The following FMN1 variants were observed in gnomAD, a reference collection of about 807,000 sequenced individuals.
FMN1 encodes the protein formin-1.
Under a neutral mutation model 132.4 loss-of-function variants are expected in FMN1, and 110 were observed. The ratio of observed to expected loss-of-function variants is 0.83; its 90% CI spans 0.71 to 0.97. The LOEUF (loss-of-function observed/expected upper bound fraction) is 0.97. Ranked by LOEUF, FMN1 falls within the 50% of genes least tolerant of loss-of-function variation. FMN1 has a pLI of 0.00. For missense variants in FMN1, 1,792 were observed against 1,705.3 expected, an observed-to-expected ratio of 1.05 and a Z score of -0.90; for synonymous variants, 722 against 651.7, an observed-to-expected ratio of 1.11 and a Z score of -1.64.
chr15:33,128,233 A>G (rs2045188), intron 4 of FMN1, among the ~76,000 whole-genome samples: 118,747 of 151,912 alleles, frequency 0.78, 46,580 homozygotes, highest in East Asian at 0.88. Flanking sequence ...GCAACCAAAG[A>G]CCATAATTTC....
chr15:33,133,888 C>G (rs1292180814), intron 4 of FMN1, among the ~76,000 whole-genome samples: 1 of 152,102 alleles, frequency 6.6e-6, no homozygotes. Flanking sequence ...GCCATGCCAG[C>G]CATCTATAAA....
chr15:33,127,959 A>G (rs1176313598), intron 4 of FMN1, among the ~76,000 whole-genome samples: 7 of 152,136 alleles, frequency 4.6e-5, no homozygotes, highest in Admixed American at 3.9e-4. Flanking sequence ...AGGAGAAAGG[A>G]AAGAAAGGGG....
chr15:33,000,668 G>A (rs1401991155), intron 7 of FMN1, among the ~76,000 whole-genome samples: 1 of 151,954 alleles, frequency 6.6e-6, no homozygotes, highest in Non-Finnish European at 1.5e-5. Context: ...CTCAGGAAGT[G>A]GATTATACAT....
At chr15:33,086,231 A>G (rs2038686275) in intron 5 of FMN1, among the ~76,000 whole-genome samples, 1 of 151,380 alleles carries the variant, frequency 6.6e-6, no homozygotes, top group Admixed American at 6.6e-5. Context: ...AGCCTGAGCG[A>G]CAGAGCAAGA....
intron 9 of FMN1, among the ~76,000 whole-genome samples, chr15:32,926,548 T>C (rs906253304): frequency 6.6e-6 from 1 of 152,232 alleles, no homozygotes; most frequent in African/African-American, 2.4e-5. Context: ...AGTACAAAGT[T>C]ATACCAGCAT....
intron 6 of FMN1, among the ~76,000 whole-genome samples, chr15:33,033,989 T>C (rs1444854182): frequency 6.6e-6 from 1 of 152,170 alleles, no homozygotes; most frequent in African/African-American, 2.4e-5. Context: ...TCTCAGTCTC[T>C]TTCTGTTGCA....
intron 19 of FMN1, among the ~76,000 whole-genome samples, chr15:32,791,649 G>C (rs1359203479): frequency 6.6e-6 from 1 of 152,154 alleles, no homozygotes; most frequent in African/African-American, 2.4e-5. Context: ...TCAGAGCAGA[G>C]ACACCTCAAA....
chr15:33,007,027 TAA>T (rs1295102476), intron 7 of FMN1, among the ~76,000 whole-genome samples: 6 of 152,130 alleles, frequency 3.9e-5, no homozygotes, highest in Non-Finnish European at 8.8e-5. Context: ...TTGTATACTT[TAA>T]AATTTCTAAA....
chr15:32,900,252 G>T, intron 13 of FMN1, 127 bp from the exon 14 acceptor site: 1 of 993,170 alleles, frequency 1.0e-6, no homozygotes, highest in Non-Finnish European at 1.6e-6. Context: ...ATTAACAGTT[G>T]CTGAAATGAA....
intron 16 of FMN1, among the ~76,000 whole-genome samples, chr15:32,861,389 C>T (rs2059264724): frequency 6.6e-6 from 1 of 152,146 alleles, no homozygotes; most frequent in Non-Finnish European, 1.5e-5. Context: ...CGGTGCCCAT[C>T]AAATTGCTCC....
In FMN1 at chr15:32,888,156, G is replaced by C. The variant is rs1165518398; in HGVS notation, c.3835+16C>G. On this transcript the variant is annotated intron_variant, in intron 16 of 20. Transcript: ENST00000616417. ...AATCTTAGCTATTATCATAATAGCA[G>C]AACAGTTCCTATTACCTTCTAGTTG... 1.5e-5 allele frequency: 24 copies of C among 1,595,190 alleles called. No individual in the cohort carries two copies. In the East Asian group the frequency reaches 5.1e-4, roughly 34 times the overall value.
intron 9 of FMN1, among the ~76,000 whole-genome samples, chr15:32,940,667 T>G (rs1439508451): frequency 6.6e-6 from 1 of 152,140 alleles, no homozygotes; most frequent in East Asian, 1.9e-4. Context: ...TTACATCCAG[T>G]GCCTTTTTTT....
chr15:32,946,049 T>C (rs989834144), intron 9 of FMN1, among the ~76,000 whole-genome samples: 1 of 152,148 alleles, frequency 6.6e-6, no homozygotes, highest in South Asian at 2.1e-4. Flanking sequence ...GTTCCTTCCA[T>C]GAATATAAAA....
chr15:32,883,246 T>A (rs2059812727), intron 16 of FMN1, among the ~76,000 whole-genome samples: 1 of 152,132 alleles, frequency 6.6e-6, no homozygotes, highest in African/African-American at 2.4e-5. Context: ...CTCATGCCTG[T>A]AATCCTGGCA....
chr15:32,851,367 C>T (rs2059004884), intron 17 of FMN1, among the ~76,000 whole-genome samples: 1 of 152,152 alleles, frequency 6.6e-6, no homozygotes, highest in Non-Finnish European at 1.5e-5. Context: ...TAATCAGTTG[C>T]TCTGTGCCTT....
intron 9 of FMN1, among the ~76,000 whole-genome samples, chr15:32,954,900 G>A (rs1447825993): frequency 1.3e-5 from 2 of 152,174 alleles, no homozygotes; most frequent in Admixed American, 1.3e-4. Flanking sequence ...AGCTACTCTG[G>A]AGGCTGAGGC....
At position 32,968,725 on chromosome 15, in the gene FMN1, T is replaced by C. The variant is rs367624683; in HGVS notation, c.2976A>G (p.Ile992Met). 1.2e-5 allele frequency: 20 copies of C among 1,613,460 alleles called. No individual in the cohort carries two copies. In the African/African-American group the frequency reaches 2.5e-4, roughly 20 times the overall value. ...MKPLYWTRIQ[I>M]SDRSQNATPT... ...AGGGGAGAACTTACCTCCTATCACT[T>C]ATTTGTATCCTAGTCCAATATAAAG... The change falls in exon 8 of 21, where the codon ATA (isoleucine) becomes ATG (methionine). Residue 992 changes from isoleucine (I) to methionine (M), a missense_variant. Ile to Met is a conservative substitution (Grantham distance 10, BLOSUM62 1). Coordinates refer to ENST00000616417, the MANE Select transcript of FMN1 (RefSeq NM_001277313.2).
At chr15:32,874,954 T>C (rs2059604627) in intron 16 of FMN1, among the ~76,000 whole-genome samples, 1 of 152,216 alleles carries the variant, frequency 6.6e-6, no homozygotes, top group Non-Finnish European at 1.5e-5. Flanking sequence ...TTAGCCATTA[T>C]AAATGTTCCT....
Position 32,930,241 on chromosome 15 carries a change from C to A in FMN1, c.3139-3980G>T, listed in dbSNP as rs55707855. ...TGACCTCATGATCTGCTCGCCTTGGCCTCCCCAAATGCTGGGATTACAGGC... is the reference window on the plus strand; with the variant it reads ...TGACCTCATGATCTGCTCGCCTTGGACTCCCCAAATGCTGGGATTACAGGC... On this transcript the variant is annotated intron_variant, in intron 9 of 20. Transcript: ENST00000616417. Among the ~76,000 whole-genome samples the A allele has an allele frequency of 6.5e-3, 987 of 152,070 alleles. 9 individuals are homozygous for A. Among genetic ancestry groups the A allele is most frequent in the African/African-American group, 0.023 (937 of 41,494 alleles).
Sources: gnomAD v4.1 joint callset for allele counts (sites outside exome capture counted in the v4.1 genomes callset) on GRCh38, gnomAD v4.1.1 for gene constraint, MANE v1.5 for transcripts, NCBI Gene and HGNC (gene_info 2026-07-23, HGNC 2026-07-21) for gene names.